The following CDH12 variants were observed in gnomAD, a reference collection of about 807,000 sequenced individuals.
CDH12 encodes the protein cadherin 12, also known as cadherin-12.
CDH12 carries 41 observed loss-of-function variants against 74.1 expected under a neutral mutation model. The observed-to-expected ratio is 0.55, with a 90% CI of 0.43 to 0.72. The LOEUF is 0.72. Ranked by LOEUF, CDH12 falls within the 30% of genes least tolerant of loss-of-function variation. The pLI is 0.00. For synonymous variants in CDH12, 399 were observed against 355.0 expected (o/e 1.12, Z -1.39); for missense variants, 945 against 977.2 (o/e 0.97, Z 0.44).
intron 1 of CDH12, among the ~76,000 whole-genome samples, chr5:22,804,227 T>C (rs2126427209): frequency 6.6e-6 from 1 of 152,294 alleles, no homozygotes. Flanking sequence ...AAATATAATA[T>C]GATTTTCTCT....
chr5:22,365,687 G>C (rs1169641549), intron 3 of CDH12, among the ~76,000 whole-genome samples: 1 of 152,148 alleles, frequency 6.6e-6, no homozygotes, highest in African/African-American at 2.4e-5. Context: ...AGAATTAACT[G>C]ATCTGCAAAA....
chr5:21,916,894 G>T (rs13160279), intron 6 of CDH12, among the ~76,000 whole-genome samples: 112,593 of 151,942 alleles, frequency 0.74, 44,275 homozygotes, highest in East Asian at 0.93. Context: ...ACTCACGTAG[G>T]CTCTCTATCT....
intron 6 of CDH12, among the ~76,000 whole-genome samples, chr5:21,855,498 G>C (rs1750707002): frequency 6.6e-6 from 1 of 151,386 alleles, no homozygotes; most frequent in African/African-American, 2.4e-5. Flanking sequence ...TAAGCATATT[G>C]AAATCAGTCT....
intron 4 of CDH12, among the ~76,000 whole-genome samples, chr5:22,189,659 T>C (rs1750151600): frequency 6.6e-6 from 1 of 152,226 alleles, no homozygotes; most frequent in Non-Finnish European, 1.5e-5. Flanking sequence ...AAAACATTTA[T>C]TTGTTAAAAA....
intron 10 of CDH12, among the ~76,000 whole-genome samples, chr5:21,791,852 T>C (rs1164468588): frequency 1.3e-5 from 2 of 151,850 alleles, no homozygotes; most frequent in African/African-American, 4.8e-5. Flanking sequence ...TCCCTTAAAA[T>C]TGTACTTTTC....
At chr5:22,258,867 C>T (rs1357591032) in intron 3 of CDH12, among the ~76,000 whole-genome samples, 7 of 152,062 alleles carry the variant, frequency 4.6e-5, no homozygotes, top group Non-Finnish European at 7.4e-5. Context: ...GTACACTCTG[C>T]AATATTCACA....
At chr5:22,146,353 T>C (rs141319860) in intron 4 of CDH12, among the ~76,000 whole-genome samples, 1,994 of 152,246 alleles carry the variant, frequency 0.013, 45 homozygotes, top group African/African-American at 0.045. Flanking sequence ...ATTTTTGTTA[T>C]AGATATTTTT....
intron 4 of CDH12, among the ~76,000 whole-genome samples, chr5:22,200,697 T>C (rs916239750): frequency 5.3e-5 from 8 of 152,194 alleles, no homozygotes; most frequent in Admixed American, 6.5e-5. Flanking sequence ...GCAAAATTCT[T>C]TTCAGAATGT....
chr5:21,931,543 T>C (rs530297689), intron 6 of CDH12, among the ~76,000 whole-genome samples: 1 of 152,142 alleles, frequency 6.6e-6, no homozygotes. Flanking sequence ...ATGTCACATG[T>C]TTTTTCAATG....
chr5:21,847,876 C>A (rs1046928231), intron 7 of CDH12, among the ~76,000 whole-genome samples: 7 of 152,064 alleles, frequency 4.6e-5, no homozygotes, highest in Admixed American at 2.6e-4. Flanking sequence ...CGTATTTATT[C>A]TGTTTGTTTT....
At chr5:22,705,499 G>GCACACACACACACACACACACA (rs5866587) in intron 1 of CDH12, among the ~76,000 whole-genome samples, 1 of 143,486 alleles carries the variant, frequency 7.0e-6, no homozygotes, top group African/African-American at 2.5e-5. Flanking sequence ...CAACACACAT[G>GCACACACACACACACACACACA]CACACACACA....
intron 2 of CDH12, among the ~76,000 whole-genome samples, chr5:22,414,860 A>C (rs1743314230): frequency 6.6e-6 from 1 of 152,070 alleles, no homozygotes; most frequent in African/African-American, 2.4e-5. Flanking sequence ...CTATTTTAAA[A>C]TAATTTGAGT....
At chr5:22,473,440 A>C (rs1354850879) in intron 2 of CDH12, among the ~76,000 whole-genome samples, 1 of 152,130 alleles carries the variant, frequency 6.6e-6, no homozygotes, top group Non-Finnish European at 1.5e-5. Context: ...GTAAGTATAA[A>C]ACATATTTAT....
At chr5:22,404,644 C>T (rs1438708852) in intron 3 of CDH12, among the ~76,000 whole-genome samples, 1 of 152,080 alleles carries the variant, frequency 6.6e-6, no homozygotes, top group Non-Finnish European at 1.5e-5. Flanking sequence ...AGACCTTTAA[C>T]ATGATATATT....
At chr5:22,849,557 C>T (rs1343639773) in intron 1 of CDH12, among the ~76,000 whole-genome samples, 1 of 152,112 alleles carries the variant, frequency 6.6e-6, no homozygotes, top group Non-Finnish European at 1.5e-5. Context: ...ATGCATCATT[C>T]AGCCATTTGA....
chr5:22,730,225 C>T (rs529264712), intron 1 of CDH12, among the ~76,000 whole-genome samples: 61 of 151,826 alleles, frequency 4.0e-4, no homozygotes, highest in Non-Finnish European at 5.7e-4. Flanking sequence ...GCAATGACAT[C>T]AGTGAAATTA....
intron 2 of CDH12, among the ~76,000 whole-genome samples, chr5:22,489,646 A>C (rs969957147): frequency 1.3e-5 from 2 of 151,512 alleles, no homozygotes; most frequent in Non-Finnish European, 2.9e-5. Flanking sequence ...AAATGTAAAG[A>C]CTGAAGATTT....
intron 1 of CDH12, among the ~76,000 whole-genome samples, chr5:22,713,300 C>T (rs540001712): frequency 6.6e-6 from 1 of 151,768 alleles, no homozygotes; most frequent in Admixed American, 6.6e-5. Context: ...ACCACCATGC[C>T]CCACTGATTT....
chr5:22,025,181 A>T (rs1738266289), intron 5 of CDH12, among the ~76,000 whole-genome samples: 1 of 152,170 alleles, frequency 6.6e-6, no homozygotes, highest in Admixed American at 6.6e-5. Flanking sequence ...AAAATTAATG[A>T]TATAGGTCTA....
Sources: allele counts gnomAD v4.1 joint callset (sites outside exome capture counted in the v4.1 genomes callset), GRCh38; gene constraint gnomAD v4.1.1; transcripts MANE v1.5; gene names NCBI Gene and HGNC (gene_info 2026-07-23, HGNC 2026-07-21).